RARS2: variants seen among roughly 807,000 people sequenced by gnomAD.
The protein encoded by RARS2 is arginyl-tRNA synthetase 2, mitochondrial.
Under a neutral mutation model 88.5 loss-of-function variants are expected in RARS2, and 67 were observed. The ratio of observed to expected loss-of-function variants is 0.76; its 90% CI spans 0.62 to 0.93. The LOEUF (loss-of-function observed/expected upper bound fraction) is 0.93, where lower values mean the gene tolerates loss of function less well. RARS2 is among the 40% of genes least tolerant of loss of function. The probability of loss-of-function intolerance (pLI) is 0.00; values close to 1 mark genes in which losing one functional copy is unlikely to be tolerated. For synonymous variants in RARS2, 239 were observed against 230.3 expected (o/e 1.04, Z -0.34); for missense variants, 664 against 684.2 (o/e 0.97, Z 0.33).
chr6:87,514,898 CTT>C, intron 19 of RARS2, 57 bp downstream of exon 19: 1 of 1,382,978 alleles, frequency 7.2e-7, no homozygotes, highest in Non-Finnish European at 1.0e-6. Context: ...ACAAGACTGA[CTT>C]AGTAATATTA....
rs184121274 is a variant in RARS2 at position 87,557,499 on chromosome 6, T to C, written c.298-1994A>G. On this transcript the variant is annotated intron_variant, in intron 4 of 19. Transcript: ENST00000369536. ...TCCACAACAGTTAATCGTAGTAAGT[T>C]AGAATTCTCTTTAACAATAACCCTC... 2.5e-3 allele frequency among the ~76,000 whole-genome samples: 378 copies of C among 152,342 alleles called. 2 individuals carry two copies. The highest frequency in any genetic ancestry group is 8.8e-3 in the African/African-American group (364 of 41,570).
intron 8 of RARS2, among the ~76,000 whole-genome samples, chr6:87,533,399 A>C (rs1001064090): frequency 1.3e-5 from 2 of 152,208 alleles, no homozygotes; most frequent in African/African-American, 4.8e-5. Context: ...CAATATACCT[A>C]TAAATGCACA....
chr6:87,562,717 T>C lies in RARS2; in HGVS notation c.282A>G (p.Arg94=). Residue 94 remains arginine, a synonymous_variant, in exon 4 of 20, where the codon AGA becomes AGG. Coordinates refer to ENST00000369536, the MANE Select transcript of RARS2 (RefSeq NM_020320.5). ...GQRTVNFKIN[R]ELLTKTVLQQ... Reference sequence around the variant, plus strand: ...TTATTCTTACCTTTGTTAAGAGCTCTCTGTTTATTTTGAAATTTACAGTCC... The same window carrying C: ...TTATTCTTACCTTTGTTAAGAGCTCCCTGTTTATTTTGAAATTTACAGTCC... 1 of 1,609,840 alleles carries C rather than the reference T, an allele frequency of 6.2e-7. No individual in the cohort carries two copies. Among genetic ancestry groups the C allele is most frequent in the South Asian group, 1.1e-5 (1 of 90,998 alleles).
intron 17 of RARS2, among the ~76,000 whole-genome samples, chr6:87,517,767 A>C (rs1375668715): frequency 1.3e-5 from 2 of 152,362 alleles, no homozygotes; most frequent in South Asian, 2.1e-4. Context: ...TTGTGAACCG[A>C]AACCAAGAGG....
At chr6:87,528,623 T>G (rs9450729) in intron 10 of RARS2, among the ~76,000 whole-genome samples, 47,558 of 152,028 alleles carry the variant, frequency 0.31, 7,554 homozygotes, top group Admixed American at 0.41. Context: ...TTATGCTCAG[T>G]GAAATAAACG....
In RARS2 at chr6:87,529,574, C is replaced by T. The variant is rs550849175; in HGVS notation, c.846G>A (p.Leu282=). ...YREKSQEVLK[L]LESKGLLLKT... ...TCAGTAGGAGTCCTTTACTCTCCAG[C>T]AACTTTAAGACCTCTTGAGATTTTT... The change falls in exon 10 of 20, where the codon TTG becomes TTA. Residue 282 remains leucine, a synonymous_variant. Transcript: ENST00000369536. The T allele has an allele frequency of 8.1e-6, 13 of 1,604,718 alleles. No individual in the cohort carries two copies. The highest frequency in any genetic ancestry group is 5.5e-5 in the South Asian group (5 of 90,870).
rs569565957 is a variant in RARS2 at position 87,539,607 on chromosome 6, T to C, written c.612+2311A>G. Among the ~76,000 whole-genome samples, 13 of 151,684 alleles carry C rather than the reference T, an allele frequency of 8.6e-5. No individual in the cohort carries two copies. In the South Asian group the frequency reaches 1.7e-3, roughly 19 times the overall value. On this transcript the variant is annotated intron_variant, in intron 8 of 19. Coordinates refer to ENST00000369536, the MANE Select transcript of RARS2 (RefSeq NM_020320.5). ...GCCTCTTTTGAAAAGTTAAAGTTGC[T>C]AGCCAATCGGGACAAATACAGAATG...
chr6:87,589,897 C>T (rs376575044), intron 1 of RARS2, 25 bp downstream of exon 1: 1 of 1,614,118 alleles, frequency 6.2e-7, no homozygotes, highest in Non-Finnish European at 8.5e-7. Context: ...CTCAGGGACT[C>T]CTCTGCGCGC....
intron 4 of RARS2, among the ~76,000 whole-genome samples, chr6:87,561,541 T>C (rs1458450906): frequency 2.6e-5 from 4 of 152,228 alleles, no homozygotes; most frequent in African/African-American, 7.2e-5. Flanking sequence ...CTACTTATAT[T>C]AATTTTGCCT....
intron 5 of RARS2, among the ~76,000 whole-genome samples, chr6:87,548,976 G>C (rs1484648490): frequency 2.0e-5 from 3 of 152,166 alleles, no homozygotes; most frequent in African/African-American, 7.2e-5. Context: ...CACTTTGGGA[G>C]ACTGAGATGG....
chr6:87,540,914 A>T (rs1218676735), intron 8 of RARS2, among the ~76,000 whole-genome samples: 1 of 151,940 alleles, frequency 6.6e-6, no homozygotes, highest in Non-Finnish European at 1.5e-5. Context: ...AATTTCAGAG[A>T]GAAATAGACA....
chr6:87,553,461 T>A (rs144624267), intron 5 of RARS2, among the ~76,000 whole-genome samples: 1 of 152,332 alleles, frequency 6.6e-6, no homozygotes, highest in South Asian at 2.1e-4. Context: ...AATATTTTAA[T>A]AGGCTTTTGG....
At chr6:87,562,653 G>A (rs1417293056) in intron 4 of RARS2, 49 bp downstream of exon 4, 1 of 1,398,150 alleles carries the variant, frequency 7.2e-7, no homozygotes, top group Non-Finnish European at 1.0e-6. Context: ...CACTGTGGCT[G>A]AAGCAGACAG....
intron 18 of RARS2, 46 bp downstream of exon 18, chr6:87,516,760 G>A: frequency 6.2e-7 from 1 of 1,606,486 alleles, no homozygotes; most frequent in East Asian, 2.2e-5. Flanking sequence ...TGAAAGAAAG[G>A]TCTCAAATGC....
At chr6:87,531,898 A>G (rs1777646169) in intron 8 of RARS2, among the ~76,000 whole-genome samples, 1 of 152,234 alleles carries the variant, frequency 6.6e-6, no homozygotes, top group Admixed American at 6.5e-5. Context: ...TGATAACTTT[A>G]CTATATTATT....
chr6:87,550,456 TAAGA>T (rs1783974536), intron 5 of RARS2, among the ~76,000 whole-genome samples: 1 of 151,758 alleles, frequency 6.6e-6, no homozygotes, highest in Non-Finnish European at 1.5e-5. Flanking sequence ...GCTTCTCCTT[TAAGA>T]AACTAGAAAA....
intron 4 of RARS2, among the ~76,000 whole-genome samples, chr6:87,560,429 G>GTTTCTCTTGAATATTATTA (rs1787475379): frequency 1.3e-5 from 2 of 152,126 alleles, no homozygotes; most frequent in Non-Finnish European, 2.9e-5. Context: ...ATTATTTGAA[G>GTTTCTCTTGAATATTATTA]TTACAGTTTC....
At chr6:87,580,603 AAG>A (rs1773189135) in intron 1 of RARS2, among the ~76,000 whole-genome samples, 1 of 151,120 alleles carries the variant, frequency 6.6e-6, no homozygotes, top group East Asian at 1.9e-4. Flanking sequence ...AAAAAAAAAA[AAG>A]GACTTTTTTT....
Position 87,576,308 on chromosome 6 carries a change from GCT to G in RARS2, c.37-6720_37-6719del, listed in dbSNP as rs1446917794. On this transcript the variant is annotated intron_variant, in intron 1 of 19. Coordinates refer to ENST00000369536, the MANE Select transcript of RARS2 (RefSeq NM_020320.5). ...TTTTTTTTTTTTGAGACGGAGTCTC[GCT>G]CTGTCGCCCAGGCTGGAGTGCAGTG... Among the ~76,000 whole-genome samples, 15 of 76,808 alleles carry G rather than the reference GCT, an allele frequency of 2.0e-4. 1 individual carries two copies. Among genetic ancestry groups the G allele is most frequent in the African/African-American group, 6.9e-4 (12 of 17,328 alleles). The allele number at this position is 76,808 out of a possible 152,430, so 50.4% of individuals were successfully genotyped here.
Sources: allele counts gnomAD v4.1 joint callset (sites outside exome capture counted in the v4.1 genomes callset), GRCh38; gene constraint gnomAD v4.1.1; transcripts MANE v1.5; gene names NCBI Gene and HGNC (gene_info 2026-07-23, HGNC 2026-07-21).